The following EIF4E3 variants were observed in gnomAD, a reference collection of about 807,000 sequenced individuals.
EIF4E3 encodes the protein eukaryotic translation initiation factor 4E family member 3.
Under a neutral mutation model 31.7 loss-of-function variants are expected in EIF4E3, and 26 were observed. The observed-to-expected ratio is 0.82, with a 90% confidence interval of 0.60 to 1.14. The LOEUF (loss-of-function observed/expected upper bound fraction) is 1.14, where lower values mean the gene tolerates loss of function less well. Among genes scored for constraint, EIF4E3 ranks in the 50% most tolerant of loss-of-function variants. EIF4E3 has a pLI of 0.00. For synonymous variants in EIF4E3, 128 were observed against 107.7 expected (o/e 1.19, Z -1.17); for missense variants, 304 against 270.9 (o/e 1.12, Z -0.86).
chr3:71,754,061 G>T (rs1371158229), upstream of EIF4E3: 10 of 1,281,076 alleles, frequency 7.8e-6, no homozygotes, highest in Non-Finnish European at 1.0e-5. This position sits in a 1 kb window ranked among gnomAD's most constrained non-coding sequence, Gnocchi z 5.8. Context: ...TGGCGAACGC[G>T]AGCGAGCCGG....
At chr3:71,701,356 T>G (rs903534522) in intron 2 of EIF4E3, among the ~76,000 whole-genome samples, 4 of 152,188 alleles carry the variant, frequency 2.6e-5, no homozygotes, top group Admixed American at 2.6e-4. Flanking sequence ...ATTATCCTTT[T>G]TTTAAAGATA....
intron 1 of EIF4E3, among the ~76,000 whole-genome samples, chr3:71,742,355 TAAC>T (rs1349276185): frequency 6.6e-6 from 1 of 152,146 alleles, no homozygotes; most frequent in Non-Finnish European, 1.5e-5. Flanking sequence ...GAAATGTTAT[TAAC>T]AACTTATGCC....
upstream of EIF4E3, among the ~76,000 whole-genome samples, chr3:71,730,206 G>A (rs2049690729): frequency 6.6e-6 from 1 of 152,170 alleles, no homozygotes; most frequent in Non-Finnish European, 1.5e-5. Flanking sequence ...AGGGGAGGCT[G>A]CGGTGTGGTT....
At chr3:71,696,397 G>A (rs559389462) in intron 4 of EIF4E3, 63 bp downstream of exon 4, 1 of 1,585,750 alleles carries the variant, frequency 6.3e-7, no homozygotes, top group East Asian at 2.2e-5. Flanking sequence ...ACAAAATGCT[G>A]ATGACAGGCA....
At chr3:71,694,518 T>C (rs971597037) in intron 4 of EIF4E3, among the ~76,000 whole-genome samples, 1 of 152,070 alleles carries the variant, frequency 6.6e-6, no homozygotes, top group African/African-American at 2.4e-5. Flanking sequence ...CCCTGGAAGA[T>C]TCAGTGCACG....
chr3:71,669,737 C>T, the EIF4E3 span, among the ~76,000 whole-genome samples: 1 of 152,100 alleles, frequency 6.6e-6, no homozygotes, highest in African/African-American at 2.4e-5. Context: ...TTTTGAGTGA[C>T]ATTCTAGGGC....
chr3:71,719,339 C>A (rs938731537), intron 1 of EIF4E3, among the ~76,000 whole-genome samples: 5 of 152,094 alleles, frequency 3.3e-5, no homozygotes, highest in African/African-American at 1.2e-4. Flanking sequence ...GCATTTGTTA[C>A]AAATCTACCT....
chr3:71,711,487 C>A (rs2049378301), intron 1 of EIF4E3, among the ~76,000 whole-genome samples: 1 of 152,162 alleles, frequency 6.6e-6, no homozygotes, highest in Middle Eastern at 3.2e-3. Context: ...AGAGACGTTG[C>A]CCCCAAGGAC....
chr3:71,751,840 G>T (rs1239781659), intron 1 of EIF4E3, among the ~76,000 whole-genome samples: 2 of 152,176 alleles, frequency 1.3e-5, no homozygotes, highest in Non-Finnish European at 2.9e-5. Flanking sequence ...AGGGCTAAAA[G>T]ATTTTCAGAG....
chr3:71,754,490 C>A (rs1467762978), upstream of EIF4E3: 2 of 1,293,390 alleles, frequency 1.5e-6, no homozygotes, highest in African/African-American at 1.6e-5. The surrounding 1 kb of genome is among the most constrained non-coding windows in gnomAD (Gnocchi z 5.8). Flanking sequence ...TGTGCGCCGC[C>A]TGGGCGCTGG....
At chr3:71,707,384 G>A (rs2049308320) in intron 2 of EIF4E3, among the ~76,000 whole-genome samples, 1 of 152,206 alleles carries the variant, frequency 6.6e-6, no homozygotes, top group African/African-American at 2.4e-5. Context: ...TGGAGCTGAG[G>A]GGTAGAATCC....
Position 71,699,603 on chromosome 3 carries a change from T to C in EIF4E3, c.344+11A>G, listed in dbSNP as rs749173159. ...CCCACCTTGACCTTAAATTACACGT[T>C]AGACACTTACCAAAGTGGTCGCCTC... is the stretch of plus-strand genomic sequence containing the variant. On this transcript the variant is annotated intron_variant, in intron 3 of 6. Coordinates refer to ENST00000425534, the MANE Select transcript of EIF4E3 (RefSeq NM_001134651.2). The C allele has an allele frequency of 6.2e-7, 1 of 1,612,122 alleles. No individual in the cohort carries two copies. Among genetic ancestry groups the C allele is most frequent in the Admixed American group, 1.7e-5 (1 of 60,012 alleles).
At chr3:71,697,474 T>C (rs1173505019) in intron 3 of EIF4E3, among the ~76,000 whole-genome samples, 1 of 152,240 alleles carries the variant, frequency 6.6e-6, no homozygotes, top group African/African-American at 2.4e-5. Flanking sequence ...TAATAAATTA[T>C]TGTTAACTAT....
the EIF4E3 span, among the ~76,000 whole-genome samples, chr3:71,669,887 A>C: frequency 2.0e-5 from 3 of 152,230 alleles, no homozygotes; most frequent in East Asian, 5.8e-4. Context: ...TGTCCAGTAG[A>C]AACTATTCAT....
chr3:71,692,007 A>T (rs562013771), intron 5 of EIF4E3, among the ~76,000 whole-genome samples: 1 of 152,310 alleles, frequency 6.6e-6, no homozygotes, highest in Admixed American at 6.5e-5. Context: ...TCAAAGCGTA[A>T]TGTAACTGAT....
At chr3:71,699,008 C>G (rs1350477298) in intron 3 of EIF4E3, among the ~76,000 whole-genome samples, 2 of 152,082 alleles carry the variant, frequency 1.3e-5, no homozygotes, top group Non-Finnish European at 2.9e-5. Context: ...ATTGCTGGAG[C>G]CCAGGAGTTC....
upstream of EIF4E3, chr3:71,725,482 AGCCGCCCGCCGCCCGCCGCCC>A (rs765946804): frequency 3.5e-5 from 16 of 453,062 alleles, no homozygotes; most frequent in African/African-American, 2.2e-4. This position sits in a 1 kb window ranked among gnomAD's most constrained non-coding sequence, Gnocchi z 6.1. Context: ...GCCCCGGGCT[AGCCGCCCGCCGCCCGCCGCCC>A]GCCGCCCGCC....
At chr3:71,688,534 C>A (rs1400026286) in intron 6 of EIF4E3, among the ~76,000 whole-genome samples, 20 of 152,178 alleles carry the variant, frequency 1.3e-4, no homozygotes, top group Non-Finnish European at 2.9e-4. Context: ...ACCTAAAGTG[C>A]CTGACTTAAC....
At position 71,725,095 on chromosome 3, in the gene EIF4E3, G is replaced by T; in HGVS notation, c.176+97C>A. On this transcript the variant is annotated intron_variant, in intron 1 of 6. Transcript: ENST00000425534. The surrounding 1 kb of genome is among the most constrained non-coding windows in gnomAD (Gnocchi z 6.1). Reference sequence around the variant, plus strand: ...GAGGGGCCGAGGTCTGTGCCACAGCGGAGCGGGGCCGGGGCGAGGGGCCGC... The same window carrying T: ...GAGGGGCCGAGGTCTGTGCCACAGCTGAGCGGGGCCGGGGCGAGGGGCCGC... 1 of 904,824 alleles carries T rather than the reference G, an allele frequency of 1.1e-6. No homozygotes were observed. Among genetic ancestry groups the T allele is most frequent in the East Asian group, 1.1e-4 (1 of 9,254 alleles). 56.0% of individuals were successfully genotyped at this position (904,824 alleles called of 1,614,324 possible).
Sources: allele counts gnomAD v4.1 joint callset (sites outside exome capture counted in the v4.1 genomes callset), GRCh38; gene constraint gnomAD v4.1.1; non-coding constraint Gnocchi (gnomAD v3.1); transcripts MANE v1.5; gene names NCBI Gene and HGNC (gene_info 2026-07-23, HGNC 2026-07-21).